The following ZC4H2 variants were observed in gnomAD, a reference collection of about 807,000 sequenced individuals.
The protein encoded by ZC4H2 is zinc finger C4H2-type containing, also known as zinc finger C4H2 domain-containing protein.
For missense variants in ZC4H2, 137 were observed against 173.9 expected (o/e 0.79, Z 1.19); for synonymous variants, 84 against 66.3 (o/e 1.27, Z -1.30).
At chrX:64,936,047 A>T (rs1174016662) in intron 1 of ZC4H2, among the ~76,000 whole-genome samples, 2 of 110,120 alleles carry the variant, frequency 1.8e-5, no homozygotes, top group Non-Finnish European at 3.8e-5. Flanking sequence ...GGAATTGCTA[A>T]CTAGAATAAC....
intron 1 of ZC4H2, among the ~76,000 whole-genome samples, chrX:65,005,239 T>C (rs1273477427): frequency 9.0e-6 from 1 of 111,363 alleles, no homozygotes; most frequent in Admixed American, 9.5e-5. Context: ...TACTTTAAAT[T>C]TCATATGGAA....
intron 1 of ZC4H2, among the ~76,000 whole-genome samples, chrX:64,945,696 C>T (rs896730502): frequency 9.8e-5 from 11 of 111,697 alleles, no homozygotes; most frequent in Admixed American, 2.9e-4. Context: ...CCCCTTCTCC[C>T]AGGTGTTCTG....
rs142951189 is a variant in ZC4H2, at chrX:64,940,735, C to G, written c.54-18747G>C. On this transcript the variant is annotated intron_variant, in intron 1 of 4. Transcript: ENST00000374839. ...ATGTGTGGTGTTATTTCTGAGGCCT[C>G]TGTTCTGTTCCGTTGGTCTATATAT... Among the ~76,000 whole-genome samples, 3 of 110,947 alleles carry G rather than the reference C, an allele frequency of 2.7e-5. No individual in the cohort carries two copies. The East Asian group carries it at 8.6e-4, about 32-fold the overall frequency.
At chrX:64,946,150 A>C (rs764009632) in intron 1 of ZC4H2, among the ~76,000 whole-genome samples, 22 of 108,381 alleles carry the variant, frequency 2.0e-4, no homozygotes, top group Non-Finnish European at 2.3e-4. Context: ...CAAAACCAAA[A>C]CAAAACAAAA....
intron 1 of ZC4H2, among the ~76,000 whole-genome samples, chrX:64,937,322 C>G (rs1208451314): frequency 9.0e-6 from 1 of 110,882 alleles, no homozygotes; most frequent in East Asian, 2.8e-4. Flanking sequence ...ACACAGACTC[C>G]CACACAATAA....
intron 1 of ZC4H2, among the ~76,000 whole-genome samples, chrX:64,998,952 T>C (rs907188641): frequency 1.8e-5 from 2 of 109,472 alleles, no homozygotes; most frequent in African/African-American, 6.6e-5. Flanking sequence ...TCATTTAATA[T>C]GAATATTATT....
intron 1 of ZC4H2, among the ~76,000 whole-genome samples, chrX:64,987,081 C>T (rs1932202525): frequency 1.8e-5 from 2 of 108,601 alleles, no homozygotes; most frequent in South Asian, 8.2e-4. Flanking sequence ...GCGCCCGCCA[C>T]CAAGCCCGGC....
At chrX:65,022,209 CAG>C (rs765564640) in intron 1 of ZC4H2, among the ~76,000 whole-genome samples, 1 of 111,536 alleles carries the variant, frequency 9.0e-6, no homozygotes, top group Non-Finnish European at 1.9e-5. Flanking sequence ...CAAAACCTGG[CAG>C]AGACACACAA....
intron 1 of ZC4H2, among the ~76,000 whole-genome samples, chrX:64,930,700 T>A (rs1929702668): frequency 8.9e-6 from 1 of 112,321 alleles, no homozygotes; most frequent in Admixed American, 9.4e-5. Context: ...TATACCTGCA[T>A]CCCTATGATA....
upstream of ZC4H2, among the ~76,000 whole-genome samples, chrX:64,978,225 C>T (rs760388216): frequency 8.9e-6 from 1 of 111,924 alleles, no homozygotes; most frequent in Admixed American, 9.4e-5. Context: ...GAACATGAAT[C>T]TCATGTCATT....
chrX:64,968,642 A>C (rs1379367630), intron 1 of ZC4H2, among the ~76,000 whole-genome samples: 1 of 111,471 alleles, frequency 9.0e-6, no homozygotes, highest in Non-Finnish European at 1.9e-5. Context: ...GATTTTTCCA[A>C]GAGGCTAAAG....
intron 2 of ZC4H2, among the ~76,000 whole-genome samples, chrX:64,920,734 C>T (rs1452251496): frequency 8.9e-6 from 1 of 112,197 alleles, no homozygotes; most frequent in Non-Finnish European, 1.9e-5. Context: ...TCTCCTAGAT[C>T]AGTGATTCTC....
Position 64,970,179 on chromosome X carries a change from T to A in ZC4H2, c.53+6146A>T, listed in dbSNP as rs1361941635. Among the ~76,000 whole-genome samples the A allele has an allele frequency of 2.7e-5, 3 of 112,247 alleles. No homozygotes were observed. The Admixed American group carries it at 2.8e-4, about 11-fold the overall frequency. On this transcript the variant is annotated intron_variant, in intron 1 of 4. Coordinates refer to ENST00000374839, the MANE Select transcript of ZC4H2 (RefSeq NM_018684.4). ...GAGAATATTGCCTAAGTACTAAGCA[T>A]TCTTCCATGTAATATTTATTTGCTC...
At chrX:65,028,356 G>A (rs936545131) in intron 1 of ZC4H2, among the ~76,000 whole-genome samples, 2 of 112,256 alleles carry the variant, frequency 1.8e-5, no homozygotes, top group Non-Finnish European at 3.8e-5. Context: ...CTGTCTTCAT[G>A]AAGTTTCAAT....
chrX:64,931,558 A>T (rs1284857233), intron 1 of ZC4H2, among the ~76,000 whole-genome samples: 1 of 111,348 alleles, frequency 9.0e-6, no homozygotes, highest in Non-Finnish European at 1.9e-5. Flanking sequence ...TGTAACTATT[A>T]TCATTCATTT....
chrX:64,920,124 T>C lies in ZC4H2; in HGVS notation c.355A>G (p.Arg119Gly). 1 of 1,211,519 alleles carries C rather than the reference T, an allele frequency of 8.3e-7. No homozygotes were observed. Among genetic ancestry groups the C allele is most frequent in the Non-Finnish European group, 1.1e-6 (1 of 895,432 alleles). ...TCTTCTTCACACAAGTCAGGGAGCCTCTGCAGGCCCAGAGTCATGCGCAGG... is the reference window on the plus strand; with the variant it reads ...TCTTCTTCACACAAGTCAGGGAGCCCCTGCAGGCCCAGAGTCATGCGCAGG... ...DALRMTLGLQRLPDLCEEEEK... is the reference protein window; with the variant it reads ...DALRMTLGLQGLPDLCEEEEK... The change falls in exon 3 of 5, where the codon AGG becomes GGG. Residue 119 changes from arginine (R) to glycine (G), a missense_variant. Physicochemically the swap from Arg to Gly is moderately radical, Grantham distance 125. Coordinates refer to ENST00000374839, the MANE Select transcript of ZC4H2 (RefSeq NM_018684.4).
rs1014869026 is a variant in ZC4H2, at chrX:64,997,224, A to G, written c.-272+37405T>C. ...AAATTGCTAAAAGAAAAAATTGTTA[A>G]TCAAGAATTTTATATTTGACAAAAC... On this transcript the variant is annotated intron_variant, in intron 1 of 4. Transcript: ENST00000337990. 9.8e-5 allele frequency among the ~76,000 whole-genome samples: 11 copies of G among 112,408 alleles called. No homozygotes were observed. The East Asian group carries it at 1.7e-3, about 17-fold the overall frequency.
At chrX:64,939,893 C>T (rs1242309729) in intron 1 of ZC4H2, among the ~76,000 whole-genome samples, 1 of 111,778 alleles carries the variant, frequency 8.9e-6, no homozygotes, top group African/African-American at 3.3e-5. Context: ...ATGTCCAAAA[C>T]ACCAAAAATA....
intron 1 of ZC4H2, among the ~76,000 whole-genome samples, chrX:64,954,061 C>T (rs935397251): frequency 7.5e-5 from 8 of 106,706 alleles, no homozygotes; most frequent in South Asian, 4.1e-4. Flanking sequence ...AGCAAACTAT[C>T]GCAAGGACGA....
Sources: gnomAD v4.1 joint callset for allele counts (sites outside exome capture counted in the v4.1 genomes callset) on GRCh38, gnomAD v4.1.1 for gene constraint, MANE v1.5 for transcripts, NCBI Gene and HGNC (gene_info 2026-07-23, HGNC 2026-07-21) for gene names.